The following TARS2 variants were observed in gnomAD, a reference collection of about 807,000 sequenced individuals.
The protein encoded by TARS2 is threonyl-tRNA synthetase 2, mitochondrial, also known as threonine--tRNA ligase, mitochondrial.
TARS2 carries 61 observed loss-of-function variants against 94.4 expected under a neutral mutation model. The ratio of observed to expected loss-of-function variants is 0.65; its 90% CI spans 0.53 to 0.80. The LOEUF is 0.80. TARS2 is among the 30% of genes least tolerant of loss of function. The pLI, the probability that TARS2 is intolerant of heterozygous loss-of-function variation, is 0.00. For missense variants in TARS2, 704 were observed against 902.5 expected (o/e 0.78, Z 2.82); for synonymous variants, 359 against 353.4 (o/e 1.02, Z -0.18).
At chr1:150,496,735 T>A in intron 8 of TARS2, 75 bp from the exon 9 acceptor site, 1 of 1,606,562 alleles carries the variant, frequency 6.2e-7, no homozygotes, top group Non-Finnish European at 8.5e-7. Context: ...ACTGAGCAGC[T>A]CCGTCAGTTG....
chr1:150,498,443 AGCAG>A, intron 10 of TARS2, 55 bp from the exon 11 acceptor site: 14 of 1,502,058 alleles, frequency 9.3e-6, no homozygotes, highest in Admixed American at 4.9e-5. Context: ...TGGGTGGAGG[AGCAG>A]TCTTCGGGGG....
At chr1:150,505,843 C>G in intron 17 of TARS2, 138 bp downstream of exon 17, 3 of 731,426 alleles carry the variant, frequency 4.1e-6, no homozygotes, top group Middle Eastern at 2.4e-4. Flanking sequence ...TTCAGGACAC[C>G]TGACTCATTT....
In TARS2 at chr1:150,497,652, A is replaced by AG; in HGVS notation, c.1145dup (p.Ser383LeufsTer2). 6.2e-7 allele frequency: 1 copy of AG among 1,614,156 alleles called. No homozygotes were observed. Among genetic ancestry groups the AG allele is most frequent in the South Asian group, 1.1e-5 (1 of 91,088 alleles). On this transcript the variant is annotated frameshift_variant, in exon 10 of 18. Coordinates refer to ENST00000369064, the MANE Select transcript of TARS2 (RefSeq NM_025150.5). LOFTEE classifies it high-confidence loss of function. Reference sequence around the variant, plus strand: ...AAGACATGTTTGCCGTGCAGCCCCCAGGCTCTGACAGGCCTCCCAGCTCCC... The same window carrying AG: ...AAGACATGTTTGCCGTGCAGCCCCCAGGGCTCTGACAGGCCTCCCAGCTCCC...
At chr1:150,492,376 C>G (rs1380500706) in intron 6 of TARS2, 35 bp from the exon 7 acceptor site, 34 of 1,606,830 alleles carry the variant, frequency 2.1e-5, no homozygotes, top group Non-Finnish European at 2.8e-5. Flanking sequence ...GCTGAAGATT[C>G]TGAAAATCAC....
Position 150,504,918 on chromosome 1 carries a change from G to A in TARS2, c.1833G>A (p.Leu611=). Residue 611 remains leucine, a synonymous_variant, in exon 16 of 18, where the codon CTG becomes CTA. Transcript: ENST00000369064. ...ESCGGKWPLW[L]SPFQVVVIPV... is the part of the protein sequence containing the mutation. ...CTTTCCCTACCAGGCCACTGTGGCT[G>A]TCCCCGTTCCAGGTGGTGGTCATCC... 1 of 1,614,224 alleles carries A rather than the reference G, an allele frequency of 6.2e-7. No individual in the cohort carries two copies. Among genetic ancestry groups the A allele is most frequent in the Non-Finnish European group, 8.5e-7 (1 of 1,180,042 alleles).
intron 13 of TARS2, among the ~76,000 whole-genome samples, chr1:150,503,270 G>A (rs1670001814): frequency 1.3e-5 from 2 of 152,156 alleles, no homozygotes; most frequent in Admixed American, 1.3e-4. Context: ...ACAATGAATG[G>A]TACAAAGGGA....
Position 150,496,640 on chromosome 1 carries a change from G to A in TARS2, c.921+12G>A. On this transcript the variant is annotated intron_variant, in intron 8 of 17. Transcript: ENST00000369064. ...GGCGCATTGGGAAGGTACAGGAATTGGGAAGATAGGGAGGGATGGTGATAA... is the reference window on the plus strand; with the variant it reads ...GGCGCATTGGGAAGGTACAGGAATTAGGAAGATAGGGAGGGATGGTGATAA... The A allele has an allele frequency of 6.2e-7, 1 of 1,610,578 alleles. No individual in the cohort carries two copies. The highest frequency in any genetic ancestry group is 2.2e-5 in the East Asian group (1 of 44,808).
Position 150,491,403 on chromosome 1 carries a change from G to A in TARS2, c.522G>A (p.Arg174=). 2.5e-6 allele frequency: 4 copies of A among 1,612,830 alleles called. No individual in the cohort carries two copies. In the South Asian group the frequency reaches 4.4e-5, roughly 18 times the overall value. ...ATTCTCCTCTTTCCAGGACAATCCGGGGCTCAGAGCTGCCTGTTTTGGAGC... is the reference window on the plus strand; with the variant it reads ...ATTCTCCTCTTTCCAGGACAATCCGAGGCTCAGAGCTGCCTGTTTTGGAGC... ...DFFLGKERTI[R]GSELPVLERI... Residue 174 remains arginine (R), a synonymous_variant, in exon 5 of 18, where the codon CGG becomes CGA. Transcript: ENST00000369064.
chr1:150,507,245 G>A lies in TARS2; in HGVS notation c.*181G>A, dbSNP rs1362916109. 4 of 761,292 alleles carry A rather than the reference G, an allele frequency of 5.3e-6. No individual in the cohort carries two copies. The highest frequency in any genetic ancestry group is 3.0e-5 in the Admixed American group (1 of 33,230). 47.2% of individuals were successfully genotyped at this position (761,292 alleles called of 1,614,324 possible). ...CCACAAAAGGAGGGAAGCTGTAGCT[G>A]TTTGGATGTGAGGAGAATGAAACTA... On this transcript the variant is annotated 3_prime_UTR_variant, in exon 18 of 18. Coordinates refer to ENST00000369064, the MANE Select transcript of TARS2 (RefSeq NM_025150.5).
chr1:150,504,937 G>C lies in TARS2; in HGVS notation c.1852G>C (p.Val618Leu). 3 of 1,614,202 alleles carry C rather than the reference G, an allele frequency of 1.9e-6. No individual in the cohort carries two copies. Among genetic ancestry groups the C allele is most frequent in the South Asian group, 1.1e-5 (1 of 91,088 alleles). The change falls in exon 16 of 18, where the codon GTC becomes CTC. Residue 618 changes from valine to leucine, a missense_variant. This residue lies in a region of TARS2 where 466 missense variants were observed against 609.5 expected (regional missense o/e 0.76). Transcript: ENST00000369064. The part of the protein sequence containing the change: ...PLWLSPFQVV[V>L]IPVGSEQEEY... ...GTGGCTGTCCCCGTTCCAGGTGGTG[G>C]TCATCCCTGTGGGGAGTGAGCAAGA... is the stretch of plus-strand genomic sequence containing the variant.
intron 7 of TARS2, among the ~76,000 whole-genome samples, chr1:150,494,056 A>T (rs1210554458): frequency 1.3e-5 from 2 of 151,940 alleles, no homozygotes; most frequent in Non-Finnish European, 2.9e-5. Flanking sequence ...CTACCAGTAA[A>T]TTCACCTCAT....
chr1:150,494,865 G>A (rs1245220255), intron 7 of TARS2, among the ~76,000 whole-genome samples: 1 of 151,610 alleles, frequency 6.6e-6, no homozygotes, highest in South Asian at 2.1e-4. Context: ...GTGAAACCCC[G>A]TCTCTACTAA....
In TARS2 at chr1:150,493,193, G is replaced by A. The variant is rs191309440; in HGVS notation, c.774+704G>A. Among the ~76,000 whole-genome samples the A allele has an allele frequency of 7.2e-5, 11 of 152,158 alleles. 1 individual carries two copies. The highest frequency in any genetic ancestry group is 2.6e-4 in the African/African-American group (11 of 41,522). On this transcript the variant is annotated intron_variant, in intron 7 of 17. Coordinates refer to ENST00000369064, the MANE Select transcript of TARS2 (RefSeq NM_025150.5). The stretch of plus-strand genomic sequence containing the variant: ...CCTGTACTCTCATAAGCTGAGCGGG[G>A]AATACAGGAGAAAGAAACTTTGTCC...
chr1:150,506,853 C>A, intron 17 of TARS2, 63 bp from the exon 18 acceptor site: 2 of 1,601,812 alleles, frequency 1.2e-6, no homozygotes, highest in South Asian at 2.2e-5. Flanking sequence ...TTCTGCAGAG[C>A]AAAAGAAACT....
At position 150,507,033 on chromosome 1, in the gene TARS2, C is replaced by T. The variant is rs766873527; in HGVS notation, c.2126C>T (p.Thr709Met). Reference sequence around the variant, plus strand: ...CAGCGACTGGTGGAGCTACAGAACACGAGGGTCCCAAATGCCGAAGAAATT... The same window carrying T: ...CAGCGACTGGTGGAGCTACAGAACATGAGGGTCCCAAATGCCGAAGAAATT... ...AVQRLVELQN[T>M]RVPNAEEIF The change falls in exon 18 of 18, where the codon ACG becomes ATG. Residue 709 changes from threonine to methionine, a missense_variant. By Grantham distance (81) the Thr-to-Met change is moderately conservative. This residue lies in a region of TARS2 where 466 missense variants were observed against 609.5 expected (regional missense o/e 0.76). Transcript: ENST00000369064. The T allele has an allele frequency of 1.1e-5, 18 of 1,613,942 alleles. No homozygotes were observed. Among genetic ancestry groups the T allele is most frequent in the South Asian group, 5.5e-5 (5 of 91,078 alleles).
chr1:150,503,739 A>G (rs1222328050), intron 13 of TARS2, among the ~76,000 whole-genome samples: 2 of 151,152 alleles, frequency 1.3e-5, no homozygotes, highest in Non-Finnish European at 2.9e-5. Context: ...ATACACACAC[A>G]TACATATATA....
In TARS2 at chr1:150,503,633, GTGTGTGTATATATGTGTGTATATA is replaced by G. The variant is rs200224131; in HGVS notation, c.1618-672_1618-649del. On this transcript the variant is annotated intron_variant, in intron 13 of 17. Transcript: ENST00000369064. Reference sequence around the variant, plus strand: ...TGTATATATATGTGTGTGTATATATGTGTGTGTATATATGTGTGTATATATGTGTGTATATATGTGTGTATATAT... The same window carrying G: ...TGTATATATATGTGTGTGTATATATGTGTGTGTATATATGTGTGTATATAT... 3.0e-4 allele frequency among the ~76,000 whole-genome samples: 27 copies of G among 89,274 alleles called. 1 individual carries two copies. The highest frequency in any genetic ancestry group is 1.7e-3 in the Admixed American group (17 of 9,808). The allele number at this position is 89,274 out of a possible 152,430, so 58.6% of individuals were successfully genotyped here.
At chr1:150,489,237 G>A in intron 3 of TARS2, 150 bp downstream of exon 3, 1 of 1,170,500 alleles carries the variant, frequency 8.5e-7, no homozygotes, top group Non-Finnish European at 1.3e-6. Flanking sequence ...TTTCTGGTTA[G>A]GAAACTTATG....
At chr1:150,488,838 C>T in intron 2 of TARS2, 126 bp from the exon 3 acceptor site, 1 of 1,386,344 alleles carries the variant, frequency 7.2e-7, no homozygotes, top group Non-Finnish European at 9.7e-7. Context: ...GTAACTATCA[C>T]TCTATTCTCT....
Sources: gnomAD v4.1 joint callset for allele counts (sites outside exome capture counted in the v4.1 genomes callset) on GRCh38, gnomAD v4.1.1 for gene constraint, gnomAD v4.1.1 regional missense constraint, MANE v1.5 for transcripts, NCBI Gene and HGNC (gene_info 2026-07-23, HGNC 2026-07-21) for gene names.